The following MATN2 variants were observed in gnomAD, a reference collection of about 807,000 sequenced individuals.
MATN2 encodes the protein matrilin 2.
Under a neutral mutation model 103.2 loss-of-function variants are expected in MATN2, and 69 were observed. The ratio of observed to expected loss-of-function variants is 0.67; its 90% confidence interval spans 0.55 to 0.82. The LOEUF is 0.82. MATN2 is among the 40% of genes least tolerant of loss of function. The pLI, the probability that MATN2 is intolerant of heterozygous loss-of-function variation, is 0.00. For missense variants in MATN2, 1,023 were observed against 1,211.5 expected, an observed-to-expected ratio of 0.84 and a Z score of 2.31; for synonymous variants, 429 against 450.2, an observed-to-expected ratio of 0.95 and a Z score of 0.60.
At chr8:97,957,827 G>A (rs1237848423) in intron 4 of MATN2, among the ~76,000 whole-genome samples, 2 of 152,204 alleles carry the variant, frequency 1.3e-5, no homozygotes, top group African/African-American at 4.8e-5. Flanking sequence ...CTACCTGGGA[G>A]CTTTGACAAA....
chr8:97,919,439 C>T (rs1586414403), intron 2 of MATN2, among the ~76,000 whole-genome samples: 1 of 152,166 alleles, frequency 6.6e-6, no homozygotes, highest in East Asian at 1.9e-4. Flanking sequence ...ACTATGTTGG[C>T]CAGGCTGGTC....
chr8:97,898,597 C>CA (rs1272617710), intron 2 of MATN2, among the ~76,000 whole-genome samples: 4,554 of 92,078 alleles, frequency 0.049, 73 homozygotes, highest in Non-Finnish European at 0.052. Context: ...AACTCCTTCT[C>CA]AAAAAAAAAA....
At chr8:97,999,203 C>T (rs1812702797) in intron 7 of MATN2, among the ~76,000 whole-genome samples, 1 of 152,138 alleles carries the variant, frequency 6.6e-6, no homozygotes, top group African/African-American at 2.4e-5. Context: ...AATAATATTC[C>T]ATTGTATCTA....
chr8:98,035,683 G>A lies in MATN2; in HGVS notation c.2842G>A (p.Ala948Thr), dbSNP rs1467514604. Residue 948 changes from alanine to threonine, a missense_variant, in exon 19 of 19, where the codon GCC (alanine) becomes ACC (threonine). Physicochemically the swap from Ala to Thr is moderately conservative, Grantham distance 58. Transcript: ENST00000254898. ...RLEEMTQRME[A>T]LENRLRYR Reference sequence around the variant, plus strand: ...AGAAGAAATGACACAGAGAATGGAAGCCCTGGAAAATCGCCTGAGATACAG... The same window carrying A: ...AGAAGAAATGACACAGAGAATGGAAACCCTGGAAAATCGCCTGAGATACAG... The A allele has an allele frequency of 3.8e-6, 6 of 1,594,346 alleles. No individual in the cohort carries two copies. The highest frequency in any genetic ancestry group is 5.1e-6 in the Non-Finnish European group (6 of 1,167,396).
Position 98,007,882 on chromosome 8 carries a change from T to C in MATN2, c.1573+281T>C, listed in dbSNP as rs1813029637. Among the ~76,000 whole-genome samples, 1 of 152,174 alleles carries C rather than the reference T, an allele frequency of 6.6e-6. No homozygotes were observed. On this transcript the variant is annotated intron_variant, in intron 10 of 18. Transcript: ENST00000254898. This position sits in a 1 kb window ranked among gnomAD's most constrained non-coding sequence, Gnocchi z 4.2. Reference sequence around the variant, plus strand: ...CCCTTGTCCTCAGCTCTCTCTGCTCTACCCCCAGCCAGCTAGTATGGCACA... The same window carrying C: ...CCCTTGTCCTCAGCTCTCTCTGCTCCACCCCCAGCCAGCTAGTATGGCACA...
chr8:97,993,768 T>C (rs1812473292), intron 6 of MATN2, among the ~76,000 whole-genome samples: 1 of 152,174 alleles, frequency 6.6e-6, no homozygotes, highest in African/African-American at 2.4e-5. Context: ...GTTTGGCTCA[T>C]TGTTTGATGG....
intron 4 of MATN2, among the ~76,000 whole-genome samples, chr8:97,944,310 GC>G (rs1810675195): frequency 6.6e-6 from 1 of 152,206 alleles, no homozygotes; most frequent in Non-Finnish European, 1.5e-5. Flanking sequence ...CCAGGGAAGG[GC>G]TTAGCAGAGC....
intron 7 of MATN2, 109 bp downstream of exon 7, chr8:97,994,711 G>A: frequency 1.6e-6 from 2 of 1,213,998 alleles, no homozygotes; most frequent in Middle Eastern, 4.0e-4. Flanking sequence ...TCAGCATTGT[G>A]TCTATTAACA....
At chr8:97,905,418 A>G (rs1586397986) in intron 2 of MATN2, among the ~76,000 whole-genome samples, 2 of 151,826 alleles carry the variant, frequency 1.3e-5, no homozygotes, top group South Asian at 4.2e-4. Context: ...AGTAACTTCT[A>G]TTCTACTTTT....
chr8:97,939,011 A>G (rs921543789), intron 3 of MATN2, among the ~76,000 whole-genome samples: 2 of 151,468 alleles, frequency 1.3e-5, no homozygotes, highest in Admixed American at 1.3e-4. Flanking sequence ...CTGGGATTAC[A>G]GGCACCTGCC....
rs535578650 is a variant in MATN2, at chr8:97,892,479, G to A, written c.142+4237G>A. On this transcript the variant is annotated intron_variant, in intron 2 of 18. Transcript: ENST00000254898. ...TTTACAGTTTTGCAAATCTTGTAAC[G>A]GTCTGGCTTCGTAGAAGACAGCTAG... Among the ~76,000 whole-genome samples, 8 of 150,814 alleles carry A rather than the reference G, an allele frequency of 5.3e-5. No individual in the cohort carries two copies. The South Asian group carries it at 1.7e-3, about 32-fold the overall frequency.
chr8:97,988,171 A>AAAAAATAT (rs1252963740), intron 6 of MATN2, among the ~76,000 whole-genome samples: 2 of 46,106 alleles, frequency 4.3e-5, no homozygotes, highest in African/African-American at 2.5e-4. Flanking sequence ...AAAAAAAAAA[A>AAAAAATAT]ATATATATAT....
chr8:98,004,647 G>A (rs936917874), intron 8 of MATN2, among the ~76,000 whole-genome samples: 1 of 152,248 alleles, frequency 6.6e-6, no homozygotes, highest in Admixed American at 6.5e-5. Flanking sequence ...TGTGAGAGGG[G>A]CCAGTGCCTG....
In MATN2 at chr8:98,007,175, C is replaced by T. The variant is rs1320698949; in HGVS notation, c.1398C>T (p.Val466=). ...GTCTGAACACGGAGGATTCCTTCGTCTGCCAGTGCTCAGAAGGCTTCCTCA... is the reference window on the plus strand; with the variant it reads ...GTCTGAACACGGAGGATTCCTTCGTTTGCCAGTGCTCAGAAGGCTTCCTCA... ...QLCLNTEDSF[V]CQCSEGFLIN... The change falls in exon 9 of 19, where the codon GTC becomes GTT. Residue 466 remains valine, a synonymous_variant. Coordinates refer to ENST00000254898, the MANE Select transcript of MATN2 (RefSeq NM_002380.5). This position sits in a 1 kb window ranked among gnomAD's most constrained non-coding sequence, Gnocchi z 4.2. 20 of 1,613,758 alleles carry T rather than the reference C, an allele frequency of 1.2e-5. No individual in the cohort carries two copies. Among genetic ancestry groups the T allele is most frequent in the Non-Finnish European group, 1.7e-5 (20 of 1,179,840 alleles).
intron 4 of MATN2, among the ~76,000 whole-genome samples, chr8:97,952,776 A>C (rs1017138372): frequency 6.6e-6 from 1 of 152,128 alleles, no homozygotes; most frequent in Non-Finnish European, 1.5e-5. Flanking sequence ...GTGTATCTCA[A>C]ATTTGGCCAG....
At chr8:97,901,825 C>T (rs917415102) in intron 2 of MATN2, among the ~76,000 whole-genome samples, 19 of 152,152 alleles carry the variant, frequency 1.2e-4, no homozygotes, top group African/African-American at 3.9e-4. Flanking sequence ...GGCTTGATGC[C>T]TTTTGTAGAG....
chr8:97,953,431 A>G (rs1244398722), intron 4 of MATN2, among the ~76,000 whole-genome samples: 1 of 152,194 alleles, frequency 6.6e-6, no homozygotes, highest in Non-Finnish European at 1.5e-5. Context: ...GCTTGAGCTC[A>G]TGAGTTCAAG....
chr8:98,020,941 C>CTTT, intron 12 of MATN2: 2 of 300,526 alleles, frequency 6.7e-6, no homozygotes, highest in Non-Finnish European at 1.3e-5. Flanking sequence ...AAATTAGAAG[C>CTTT]TAAAGCACAT....
At chr8:97,928,691 G>A (rs961691285) in intron 2 of MATN2, among the ~76,000 whole-genome samples, 21 of 152,296 alleles carry the variant, frequency 1.4e-4, no homozygotes, top group African/African-American at 4.3e-4. Flanking sequence ...GGCTGGACAC[G>A]AGTGAGGGCT....
Sources: gnomAD v4.1 joint callset for allele counts (sites outside exome capture counted in the v4.1 genomes callset) on GRCh38, gnomAD v4.1.1 for gene constraint, Gnocchi (gnomAD v3.1) non-coding constraint, MANE v1.5 for transcripts, NCBI Gene and HGNC (gene_info 2026-07-23, HGNC 2026-07-21) for gene names.